TRPC7: variants seen among roughly 807,000 people sequenced by gnomAD.
TRPC7 encodes transient receptor potential cation channel subfamily C member 7, also known as short transient receptor potential channel 7.
In TRPC7, 42 loss-of-function variants were observed where a neutral mutation model predicts 90.1. The observed-to-expected ratio is 0.47, with a 90% CI of 0.36 to 0.60. The LOEUF (loss-of-function observed/expected upper bound fraction) is 0.60, where lower values mean the gene tolerates loss of function less well. Among genes scored for constraint, TRPC7 ranks in the 20% least tolerant of loss-of-function variants. The pLI is 0.00. For missense variants in TRPC7, 955 were observed against 1,112.3 expected (o/e 0.86, Z 2.01); for synonymous variants, 451 against 436.3 (o/e 1.03, Z -0.42).
intron 2 of TRPC7, among the ~76,000 whole-genome samples, chr5:136,335,270 C>A (rs1348087870): frequency 1.3e-5 from 2 of 152,060 alleles, no homozygotes; most frequent in Non-Finnish European, 2.9e-5. Context: ...CCTGGTAAGT[C>A]CTGCAGACAT....
At chr5:136,234,202 G>C (rs1264670495) in intron 7 of TRPC7, among the ~76,000 whole-genome samples, 2 of 152,176 alleles carry the variant, frequency 1.3e-5, no homozygotes, top group Non-Finnish European at 1.5e-5. Context: ...CTCTACAAAA[G>C]GCCCAAACTC....
At position 136,365,497 on chromosome 5, in the gene TRPC7, G is replaced by A. The variant is rs553296285; in HGVS notation, c.-243C>T. 14 of 566,636 alleles carry A rather than the reference G, an allele frequency of 2.5e-5. No homozygotes were observed. The East Asian group carries it at 3.6e-4, about 15-fold the overall frequency. 35.1% of individuals were successfully genotyped at this position (566,636 alleles called of 1,614,324 possible). A position where few individuals can be genotyped will look rare whatever the true frequency, so the allele number is the denominator to read the frequency against. On this transcript the variant is annotated 5_prime_UTR_variant, in exon 1 of 12. It introduces an in-frame stop codon into an upstream open reading frame of the 5' UTR. Transcript: ENST00000513104. ...CCGTGTTACCGTCCTTTTCCTAATC[G>A]GGGGGAAATTTCCCAGAGAACATGA...
At chr5:136,301,332 ATTTTTT>A (rs368799815) in intron 3 of TRPC7, among the ~76,000 whole-genome samples, 5 of 85,710 alleles carry the variant, frequency 5.8e-5, no homozygotes, top group South Asian at 4.0e-4. Flanking sequence ...CAGCCCAGGC[ATTTTTT>A]TTTTTTTTTT....
intron 3 of TRPC7, among the ~76,000 whole-genome samples, chr5:136,279,195 C>G (rs1489854711): frequency 6.6e-6 from 1 of 152,154 alleles, no homozygotes; most frequent in Non-Finnish European, 1.5e-5. Context: ...TTTAAACAAA[C>G]CTCCAGTTTT....
At chr5:136,267,996 G>A (rs1460346974) in intron 4 of TRPC7, among the ~76,000 whole-genome samples, 2 of 152,162 alleles carry the variant, frequency 1.3e-5, no homozygotes, top group Non-Finnish European at 1.5e-5. Context: ...GAATGCAGTG[G>A]CATTCTATAG....
intron 2 of TRPC7, among the ~76,000 whole-genome samples, chr5:136,348,177 C>T (rs959618664): frequency 3.3e-5 from 5 of 152,210 alleles, no homozygotes; most frequent in African/African-American, 1.2e-4. Flanking sequence ...CATCCGATGC[C>T]TCACCATTCA....
At chr5:136,220,625 C>A (rs926246161) in intron 10 of TRPC7, among the ~76,000 whole-genome samples, 2 of 152,164 alleles carry the variant, frequency 1.3e-5, no homozygotes, top group Non-Finnish European at 2.9e-5. Context: ...TGAACATAGA[C>A]CCTTATCAGG....
chr5:136,253,090 T>C (rs1251813765), intron 5 of TRPC7, among the ~76,000 whole-genome samples: 13 of 152,246 alleles, frequency 8.5e-5, no homozygotes, highest in Admixed American at 8.5e-4. Context: ...AAAAAGAATG[T>C]AAAGTATCTC....
chr5:136,291,284 C>G (rs9687534), intron 3 of TRPC7, among the ~76,000 whole-genome samples: 24,323 of 152,018 alleles, frequency 0.16, 2,818 homozygotes, highest in East Asian at 0.34. Context: ...CAAATTCACA[C>G]ATAACAATAC....
At chr5:136,286,363 G>A (rs1438873847) in intron 3 of TRPC7, among the ~76,000 whole-genome samples, 1 of 152,148 alleles carries the variant, frequency 6.6e-6, no homozygotes. Context: ...AGGATGCTGC[G>A]ACACTTTCCA....
intron 3 of TRPC7, among the ~76,000 whole-genome samples, chr5:136,282,843 C>G (rs1187965717): frequency 1.3e-5 from 2 of 152,192 alleles, no homozygotes; most frequent in Non-Finnish European, 2.9e-5. Context: ...CCTATTGTTA[C>G]CAGGTACCAA....
chr5:136,235,184 G>A (rs1755945346), intron 7 of TRPC7, among the ~76,000 whole-genome samples: 2 of 152,236 alleles, frequency 1.3e-5, no homozygotes, highest in South Asian at 2.1e-4. Context: ...ATTTGCAAAC[G>A]TAAGACAAAC....
In TRPC7 at chr5:136,216,245, C is replaced by G. The variant is rs746305287; in HGVS notation, c.2374G>C (p.Val792Leu). 2 of 1,613,234 alleles carry G rather than the reference C, an allele frequency of 1.2e-6. No homozygotes were observed. Among genetic ancestry groups the G allele is most frequent in the African/African-American group, 2.7e-5 (2 of 74,924 alleles). The change falls in exon 11 of 12, where the codon GTC becomes CTC. Residue 792 changes from valine to leucine, a missense_variant. Physicochemically the swap from Val to Leu is conservative, Grantham distance 32 (BLOSUM62 1). Around this residue, in one of 4 missense-constraint regions of TRPC7, gnomAD observed 296 missense variants for 422.7 expected, o/e 0.70. Coordinates refer to ENST00000513104, the MANE Select transcript of TRPC7 (RefSeq NM_020389.3). Reference sequence around the variant, plus strand: ...TCTCTGTCCACCTGGGCTTTCAGGACGTATCTTTTTATGAGCCGTTTCATG... The same window carrying G: ...TCTCTGTCCACCTGGGCTTTCAGGAGGTATCTTTTTATGAGCCGTTTCATG... ...KIMKRLIKRYVLKAQVDREND... is the reference protein window; with the variant it reads ...KIMKRLIKRYLLKAQVDREND...
Position 136,251,689 on chromosome 5 carries a change from G to C in TRPC7, c.1539C>G (p.His513Gln), listed in dbSNP as rs776377073. 3 of 1,612,818 alleles carry C rather than the reference G, an allele frequency of 1.9e-6. 1 individual carries two copies. The South Asian group carries it at 3.3e-5, about 18-fold the overall frequency. ...CCACTTCCGGCGGAAGCGAGACATT[G>C]TGCAGCGTGTCGTCCTGCACGTGCT... ...VDQHVQDDTLHNVSLPPEVAY... is the reference protein window; with the variant it reads ...VDQHVQDDTLQNVSLPPEVAY... Residue 513 changes from histidine to glutamine, a missense_variant, in exon 6 of 12, where the codon CAC becomes CAG. His to Gln is a conservative substitution (Grantham distance 24). Transcript: ENST00000513104.
chr5:136,360,301 C>G (rs142929020), intron 1 of TRPC7, among the ~76,000 whole-genome samples: 1 of 151,994 alleles, frequency 6.6e-6, no homozygotes, highest in African/African-American at 2.4e-5. Context: ...CAAAACAAAA[C>G]AAAACAAAAC....
intron 3 of TRPC7, among the ~76,000 whole-genome samples, chr5:136,296,981 T>C (rs984195492): frequency 6.6e-6 from 1 of 152,098 alleles, no homozygotes; most frequent in African/African-American, 2.4e-5. Context: ...CTTCCCAAGC[T>C]CCTTTCTTCC....
chr5:136,274,883 TG>T (rs1332067062), intron 3 of TRPC7, 46 bp from the exon 4 acceptor site: 2 of 1,539,084 alleles, frequency 1.3e-6, no homozygotes, highest in South Asian at 1.2e-5. Context: ...AACAGGAAAA[TG>T]GCATTGATAG....
intron 3 of TRPC7, among the ~76,000 whole-genome samples, chr5:136,313,919 T>A (rs1185314194): frequency 6.6e-6 from 1 of 152,194 alleles, no homozygotes; most frequent in Non-Finnish European, 1.5e-5. Flanking sequence ...CAGGGCCATT[T>A]TGAACTTGGT....
At chr5:136,339,900 C>T (rs760865103) in intron 2 of TRPC7, among the ~76,000 whole-genome samples, 31 of 151,788 alleles carry the variant, frequency 2.0e-4, no homozygotes, top group African/African-American at 5.8e-4. Context: ...CTCTTTATAA[C>T]AGAATAAATT....
Sources: allele counts gnomAD v4.1 joint callset (sites outside exome capture counted in the v4.1 genomes callset), GRCh38; gene constraint gnomAD v4.1.1; regional missense constraint gnomAD v4.1.1; transcripts MANE v1.5; gene names NCBI Gene and HGNC (gene_info 2026-07-23, HGNC 2026-07-21).